CFAP299: variants seen among roughly 807,000 people sequenced by gnomAD.
CFAP299 encodes the protein cilia and flagella associated protein 299, also known as cilia- and flagella-associated protein 299.
A neutral mutation model predicts 27.0 loss-of-function variants in CFAP299; 21 were observed. That is an observed-to-expected ratio of 0.78 (90% CI 0.55 to 1.12). CFAP299 has a LOEUF of 1.12. Among genes scored for constraint, CFAP299 ranks in the 50% most tolerant of loss-of-function variants. The pLI is 0.00. For synonymous variants in CFAP299, 104 were observed against 98.1 expected, an observed-to-expected ratio of 1.06 and a Z score of -0.36; for missense variants, 310 against 276.6, an observed-to-expected ratio of 1.12 and a Z score of -0.86.
chr4:80,556,028 A>G (rs1031363592), intron 2 of CFAP299, among the ~76,000 whole-genome samples: 4 of 152,144 alleles, frequency 2.6e-5, no homozygotes, highest in Non-Finnish European at 5.9e-5. Context: ...AAACAAAATG[A>G]AAACAATCAG....
chr4:80,572,643 G>C (rs529310004), intron 2 of CFAP299, among the ~76,000 whole-genome samples: 1 of 149,176 alleles, frequency 6.7e-6, no homozygotes, highest in Non-Finnish European at 1.5e-5. Context: ...TCAGCCTCCC[G>C]AGTAGCTGGG....
At chr4:80,387,887 T>C in intron 2 of CFAP299, 1 of 1,039,650 alleles carries the variant, frequency 9.6e-7, no homozygotes, top group South Asian at 1.3e-5. Context: ...GAGTCAAAGA[T>C]GGCCACGGTG....
At chr4:80,799,892 AATTATATATTATAATATAATATATAAT>A (rs1432181959) in intron 3 of CFAP299, among the ~76,000 whole-genome samples, 1 of 38,212 alleles carries the variant, frequency 2.6e-5, no homozygotes, top group African/African-American at 1.2e-4. Flanking sequence ...ATAATATATA[AATTATATATTATAATATAATATATAAT>A]ATATATATTT....
At chr4:80,564,474 C>T (rs568068178) in intron 2 of CFAP299, among the ~76,000 whole-genome samples, 87 of 151,952 alleles carry the variant, frequency 5.7e-4, no homozygotes, top group Non-Finnish European at 1.0e-3. Context: ...TGATATAATT[C>T]AACATCCCTT....
intron 3 of CFAP299, among the ~76,000 whole-genome samples, chr4:80,606,390 G>C (rs2109909693): frequency 6.6e-6 from 1 of 152,176 alleles, no homozygotes; most frequent in East Asian, 1.9e-4. Flanking sequence ...TAAAAAATTA[G>C]CTGGGATGGT....
intron 4 of CFAP299, among the ~76,000 whole-genome samples, chr4:80,937,012 G>A (rs1228814911): frequency 6.6e-6 from 1 of 151,794 alleles, no homozygotes; most frequent in African/African-American, 2.4e-5. Flanking sequence ...TTCATTTTCT[G>A]GCTGGGTGAT....
At chr4:80,760,796 C>A (rs1437343929) in intron 3 of CFAP299, among the ~76,000 whole-genome samples, 1 of 151,852 alleles carries the variant, frequency 6.6e-6, no homozygotes, top group Non-Finnish European at 1.5e-5. Flanking sequence ...TAGATGAAGC[C>A]CTTGCAATAG....
intron 2 of CFAP299, among the ~76,000 whole-genome samples, chr4:80,394,028 G>T (rs977368007): frequency 1.3e-5 from 2 of 152,094 alleles, no homozygotes; most frequent in Admixed American, 6.6e-5. Flanking sequence ...TTTCATAAGT[G>T]TTTGACAGTT....
At position 80,677,468 on chromosome 4, in the gene CFAP299, G is replaced by A. The variant is rs1299902156; in HGVS notation, c.333+94285G>A. Among the ~76,000 whole-genome samples the A allele has an allele frequency of 1.3e-4, 19 of 151,972 alleles. 1 individual carries two copies. The highest frequency in any genetic ancestry group is 1.2e-3 in the Admixed American group (19 of 15,264). ...TTGTGGGGATAATTAATAGGTGTGA[G>A]TGTGTGTTTACATAAAAATAATGTC... On this transcript the variant is annotated intron_variant, in intron 3 of 5. Coordinates refer to ENST00000358105, the MANE Select transcript of CFAP299 (RefSeq NM_152770.3).
chr4:80,390,650 TAC>T (rs1725331663), intron 2 of CFAP299, among the ~76,000 whole-genome samples: 4 of 135,714 alleles, frequency 2.9e-5, no homozygotes, highest in East Asian at 2.0e-4. Context: ...TATATGTATG[TAC>T]ACACATATGT....
chr4:80,829,939 G>C (rs779727972), intron 3 of CFAP299, among the ~76,000 whole-genome samples: 6 of 152,006 alleles, frequency 3.9e-5, no homozygotes, highest in East Asian at 1.9e-4. Flanking sequence ...GGGAATGGGA[G>C]CTTATTGCTT....
chr4:80,786,622 C>T (rs1407917131), intron 3 of CFAP299, among the ~76,000 whole-genome samples: 1 of 152,134 alleles, frequency 6.6e-6, no homozygotes, highest in Non-Finnish European at 1.5e-5. Context: ...ATTATAGTAA[C>T]TGTGCTGTGT....
chr4:80,468,136 T>C (rs1729799754), intron 2 of CFAP299, among the ~76,000 whole-genome samples: 1 of 152,200 alleles, frequency 6.6e-6, no homozygotes, highest in Admixed American at 6.5e-5. Flanking sequence ...GCTTGTTTTG[T>C]TTTAGCCCTT....
chr4:80,932,118 A>G lies in CFAP299; in HGVS notation c.477-12692A>G, dbSNP rs571985974. 2.4e-3 allele frequency among the ~76,000 whole-genome samples: 361 copies of G among 152,288 alleles called. 4 individuals carry two copies. The highest frequency in any genetic ancestry group is 0.013 in the South Asian group (63 of 4,830). ...ATAGACTGAATGCCCATTCTGCTAT[A>G]TAATACCTAGAACATTCTGTAGCTT... On this transcript the variant is annotated intron_variant, in intron 4 of 5. Transcript: ENST00000358105.
rs375386052 is a variant in CFAP299, at chr4:80,799,623, TA to T, written c.334-70367del. Reference sequence around the variant, plus strand: ...ATATATTTTATATATTATATATTTATAAATATATAATATATAAAATATATAT... The same window carrying T: ...ATATATTTTATATATTATATATTTATAATATATAATATATAAAATATATAT... On this transcript the variant is annotated intron_variant, in intron 3 of 5. Coordinates refer to ENST00000358105, the MANE Select transcript of CFAP299 (RefSeq NM_152770.3). 9.9e-4 allele frequency among the ~76,000 whole-genome samples: 26 copies of T among 26,370 alleles called. 1 individual carries two copies. Among genetic ancestry groups the T allele is most frequent in the East Asian group, 5.3e-3 (2 of 376 alleles). The allele number at this position is 26,370 out of a possible 152,430, so 17.3% of individuals were successfully genotyped here. A position where few individuals can be genotyped will look rare whatever the true frequency, so the allele number is the denominator to read the frequency against.
chr4:80,729,750 C>T (rs1325932411), intron 3 of CFAP299, among the ~76,000 whole-genome samples: 1 of 151,868 alleles, frequency 6.6e-6, no homozygotes, highest in Non-Finnish European at 1.5e-5. Flanking sequence ...CAGGCGCCTG[C>T]CACCACACCT....
chr4:80,916,839 A>T (rs1735789873), intron 4 of CFAP299, among the ~76,000 whole-genome samples: 1 of 152,108 alleles, frequency 6.6e-6, no homozygotes, highest in African/African-American at 2.4e-5. Flanking sequence ...TGAAATGGTG[A>T]TATATACAGG....
intron 2 of CFAP299, among the ~76,000 whole-genome samples, chr4:80,564,897 T>G (rs1735205981): frequency 6.6e-6 from 1 of 151,876 alleles, no homozygotes; most frequent in African/African-American, 2.4e-5. Flanking sequence ...TAAAAAGTAA[T>G]CTCATCTACA....
intron 3 of CFAP299, among the ~76,000 whole-genome samples, chr4:80,799,322 ATATTTATATAATATTTATATATATAAATG>A (rs1560416307): frequency 0.022 from 1,814 of 84,330 alleles, 41 homozygotes; most frequent in South Asian, 0.038. Context: ...ATATATAAAT[ATATTTATATAATATTTATATATATAAATG>A]TATTTATATA....
Sources: allele counts gnomAD v4.1 joint callset (sites outside exome capture counted in the v4.1 genomes callset), GRCh38; gene constraint gnomAD v4.1.1; transcripts MANE v1.5; gene names NCBI Gene and HGNC (gene_info 2026-07-23, HGNC 2026-07-21).